Variants in CUX2 observed in about 807,000 individuals in gnomAD.
CUX2 encodes the protein homeobox protein cut-like 2.
Under a neutral mutation model 144.8 loss-of-function variants are expected in CUX2, and 40 were observed. The ratio of observed to expected loss-of-function variants is 0.28; its 90% CI spans 0.21 to 0.36. The LOEUF (loss-of-function observed/expected upper bound fraction) is 0.36, where lower values mean the gene tolerates loss of function less well. Ranked by LOEUF, CUX2 falls within the 10% of genes least tolerant of loss-of-function variation. The probability of loss-of-function intolerance (pLI) is 1.00; values close to 1 mark genes in which losing one functional copy is unlikely to be tolerated. For missense variants in CUX2, 1,615 were observed against 1,994.0 expected, an observed-to-expected ratio of 0.81 and a Z score of 3.62; for synonymous variants, 827 against 875.6, an observed-to-expected ratio of 0.94 and a Z score of 0.98.
chr12:111,159,281 T>A (rs1877597157), intron 1 of CUX2, among the ~76,000 whole-genome samples: 1 of 150,844 alleles, frequency 6.6e-6, no homozygotes, highest in Non-Finnish European at 1.5e-5. Context: ...CAAAGGTAGC[T>A]GAGATTACAG....
intron 3 of CUX2, among the ~76,000 whole-genome samples, chr12:111,227,993 G>T (rs541070209): frequency 6.6e-6 from 1 of 152,134 alleles, no homozygotes; most frequent in Non-Finnish European, 1.5e-5. Flanking sequence ...ATCACGTTAC[G>T]GTTGAGTTTC....
intron 1 of CUX2, among the ~76,000 whole-genome samples, chr12:111,202,482 G>A (rs1199397020): frequency 6.6e-6 from 1 of 152,238 alleles, no homozygotes; most frequent in Non-Finnish European, 1.5e-5. Flanking sequence ...GAGCAGGCTT[G>A]TTTTCCTGCC....
chr12:111,047,853 C>T (rs1566188569), intron 1 of CUX2, among the ~76,000 whole-genome samples: 1 of 152,156 alleles, frequency 6.6e-6, no homozygotes, highest in Non-Finnish European at 1.5e-5. Flanking sequence ...GAGGGGCCGC[C>T]TGTTTATTTA....
In CUX2 at chr12:111,068,339, C is replaced by T. The variant is rs1285650880; in HGVS notation, c.63+34099C>T. On this transcript the variant is annotated intron_variant, in intron 1 of 21. Coordinates refer to ENST00000261726, the MANE Select transcript of CUX2 (RefSeq NM_015267.4). The surrounding 1 kb of genome is among the most constrained non-coding windows in gnomAD (Gnocchi z 4.9). The stretch of plus-strand genomic sequence containing the variant: ...GAACCAAAATAACTCTCACAATGCA[C>T]AGGGAAAAGTGCTTCCTGTGGATGA... Among the ~76,000 whole-genome samples, 1 of 152,178 alleles carries T rather than the reference C, an allele frequency of 6.6e-6. No individual in the cohort carries two copies.
Position 111,286,689 on chromosome 12 carries a change from A to G in CUX2, c.302-4729A>G, listed in dbSNP as rs111463203. 2.6e-3 allele frequency among the ~76,000 whole-genome samples: 402 copies of G among 152,276 alleles called. 5 individuals carry two copies. The highest frequency in any genetic ancestry group is 8.1e-3 in the African/African-American group (337 of 41,540). On this transcript the variant is annotated intron_variant, in intron 4 of 21. Coordinates refer to ENST00000261726, the MANE Select transcript of CUX2 (RefSeq NM_015267.4). Reference sequence around the variant, plus strand: ...GGAGTTTGAGACCAGCCTGGCCAACATGATGAAACCCCATCTCTACTGAAG... The same window carrying G: ...GGAGTTTGAGACCAGCCTGGCCAACGTGATGAAACCCCATCTCTACTGAAG...
chr12:111,263,906 C>T lies in CUX2; in HGVS notation c.301+67C>T, dbSNP rs1244113864. The T allele has an allele frequency of 6.9e-7, 1 of 1,456,554 alleles. No individual in the cohort carries two copies. Among genetic ancestry groups the T allele is most frequent in the Non-Finnish European group, 9.6e-7 (1 of 1,037,196 alleles). 90.2% of individuals were successfully genotyped at this position (1,456,554 alleles called of 1,614,324 possible). A position where few individuals can be genotyped will look rare whatever the true frequency, so the allele number is the denominator to read the frequency against. On this transcript the variant is annotated intron_variant, in intron 4 of 21. Transcript: ENST00000261726. The surrounding 1 kb of genome is among the most constrained non-coding windows in gnomAD (Gnocchi z 4.0). ...ATAAATAGCCATTAGGACTGTGACA[C>T]AGGGACTTTGAGGTGGGATGTGGGG... is the stretch of plus-strand genomic sequence containing the variant.
chr12:111,044,799 G>A (rs991725220), intron 1 of CUX2, among the ~76,000 whole-genome samples: 1 of 152,182 alleles, frequency 6.6e-6, no homozygotes, highest in South Asian at 2.1e-4. Context: ...GCAGTCTTGG[G>A]GGACCCTTGG....
At position 111,178,319 on chromosome 12, in the gene CUX2, G is replaced by A. The variant is rs1878973733; in HGVS notation, c.64-35881G>A. Among the ~76,000 whole-genome samples the A allele has an allele frequency of 1.3e-5, 2 of 152,168 alleles. No individual in the cohort carries two copies. Among genetic ancestry groups the A allele is most frequent in the African/African-American group, 4.8e-5 (2 of 41,440 alleles). On this transcript the variant is annotated intron_variant, in intron 1 of 21. Transcript: ENST00000261726. The surrounding 1 kb of genome is among the most constrained non-coding windows in gnomAD (Gnocchi z 5.7). Reference sequence around the variant, plus strand: ...TGTATGATAAATCTAATATACTGTGGCCTCTCTGTATGAGAGACCCTAGTA... The same window carrying A: ...TGTATGATAAATCTAATATACTGTGACCTCTCTGTATGAGAGACCCTAGTA...
At chr12:111,045,561 A>G (rs904447300) in intron 1 of CUX2, among the ~76,000 whole-genome samples, 3 of 152,180 alleles carry the variant, frequency 2.0e-5, no homozygotes, top group African/African-American at 7.2e-5. Context: ...AGCCTTTCCT[A>G]ATGGTGATTA....
chr12:111,181,603 G>A (rs557235275), intron 1 of CUX2, among the ~76,000 whole-genome samples: 11 of 152,336 alleles, frequency 7.2e-5, no homozygotes, highest in African/African-American at 2.6e-4. Context: ...AGCACTGCCC[G>A]AGCCGGCGAG....
intron 1 of CUX2, among the ~76,000 whole-genome samples, chr12:111,210,866 G>T (rs556512614): frequency 6.6e-6 from 1 of 151,936 alleles, no homozygotes; most frequent in East Asian, 1.9e-4. Context: ...TAAAACAAAT[G>T]CCCTGAACAC....
chr12:111,254,196 C>T (rs1883700755), intron 3 of CUX2, among the ~76,000 whole-genome samples: 1 of 152,204 alleles, frequency 6.6e-6, no homozygotes, highest in Non-Finnish European at 1.5e-5. Flanking sequence ...TGCTCAGAAT[C>T]CAGACCAAGC....
intron 16 of CUX2, among the ~76,000 whole-genome samples, chr12:111,315,454 C>T (rs1047645892): frequency 2.6e-5 from 4 of 152,202 alleles, no homozygotes; most frequent in South Asian, 2.1e-4. Flanking sequence ...CAGTGGCTCA[C>T]GCCTGTATAA....
rs1486283530 is a variant in CUX2, at chr12:111,293,872, A to AT, written c.560+309dup. ...TCTCTAGAGAAACTGAACTGGTAGG[A>AT]TTTTTTAAATGATTAAGACATGTAT... On this transcript the variant is annotated intron_variant, in intron 6 of 21. Transcript: ENST00000261726. The surrounding 1 kb of genome is among the most constrained non-coding windows in gnomAD (Gnocchi z 4.5). Among the ~76,000 whole-genome samples, 18 of 152,244 alleles carry AT rather than the reference A, an allele frequency of 1.2e-4. No individual in the cohort carries two copies. The highest frequency in any genetic ancestry group is 4.1e-4 in the African/African-American group (17 of 41,466).
chr12:111,062,445 A>G (rs1373508082), intron 1 of CUX2, among the ~76,000 whole-genome samples: 1 of 152,274 alleles, frequency 6.6e-6, no homozygotes, highest in Non-Finnish European at 1.5e-5. Context: ...CCCCATTCAC[A>G]GAAAAGGCAG....
chr12:111,288,950 A>C (rs1885536856), intron 4 of CUX2, among the ~76,000 whole-genome samples: 1 of 151,002 alleles, frequency 6.6e-6, no homozygotes, highest in Non-Finnish European at 1.5e-5. Context: ...GCAACAGCAC[A>C]AAAAAAATAA....
intron 18 of CUX2, among the ~76,000 whole-genome samples, chr12:111,323,308 C>T (rs1283746683): frequency 2.0e-5 from 3 of 152,142 alleles, no homozygotes; most frequent in Non-Finnish European, 4.4e-5. Context: ...AGGACAAAAC[C>T]ATATCTCAGG....
In CUX2 at chr12:111,341,844, C is replaced by T. The variant is rs768150780; in HGVS notation, c.3450C>T (p.Arg1150=). ...CAGACAGTGAGTCCCCGGCCACCCG[C>T]TCAGAGTGCCCCAGCCCCTGCCTGC... ...TGSDSESPAT[R]SECPSPCLQP... is the part of the protein sequence containing the mutation. Residue 1150 remains arginine, a synonymous_variant, in exon 21 of 22, where the codon CGC becomes CGT. Coordinates refer to ENST00000261726, the MANE Select transcript of CUX2 (RefSeq NM_015267.4). 1.2e-6 allele frequency: 2 copies of T among 1,613,674 alleles called. No homozygotes were observed. The highest frequency in any genetic ancestry group is 1.1e-5 in the South Asian group (1 of 91,064).
At chr12:111,108,577 A>G (rs1342936076) in intron 1 of CUX2, among the ~76,000 whole-genome samples, 1 of 151,736 alleles carries the variant, frequency 6.6e-6, no homozygotes, top group Non-Finnish European at 1.5e-5. Context: ...GTGGACTCAG[A>G]TTCATATTTT....
Sources: gnomAD v4.1 joint callset for allele counts (sites outside exome capture counted in the v4.1 genomes callset) on GRCh38, gnomAD v4.1.1 for gene constraint, Gnocchi (gnomAD v3.1) non-coding constraint, MANE v1.5 for transcripts, NCBI Gene and HGNC (gene_info 2026-07-23, HGNC 2026-07-21) for gene names.